Variants in RIOK2 observed in about 807,000 individuals in gnomAD.
The protein encoded by RIOK2 is serine/threonine-protein kinase RIO2.
In RIOK2, 46 loss-of-function variants were observed where a neutral mutation model predicts 62.4. The observed-to-expected ratio is 0.74, with a 90% CI of 0.58 to 0.94. RIOK2 has a LOEUF of 0.94. RIOK2 is among the 40% of genes least tolerant of loss of function. RIOK2 has a pLI of 0.00. For missense variants in RIOK2, 574 were observed against 658.0 expected (o/e 0.87, Z 1.40); for synonymous variants, 197 against 216.0 (o/e 0.91, Z 0.77).
At chr5:97,179,301 CAACT>C in intron 1 of RIOK2, 108 bp from the exon 2 acceptor site, 2 of 946,192 alleles carry the variant, frequency 2.1e-6, no homozygotes, top group Non-Finnish European at 3.2e-6. Context: ...TGCAGTTCTC[CAACT>C]AATTCTGAGA....
intron 1 of RIOK2, among the ~76,000 whole-genome samples, chr5:97,180,016 A>AATATATATATTTAATATATATAAT (rs1749319587): frequency 2.3e-5 from 1 of 44,152 alleles, no homozygotes; most frequent in African/African-American, 8.0e-5. Context: ...ATATATATAT[A>AATATATATATTTAATATATATAAT]ATATATATAT....
intron 4 of RIOK2, chr5:97,176,910 A>G (rs1749177421): frequency 2.0e-6 from 1 of 504,336 alleles, no homozygotes; most frequent in South Asian, 2.4e-5. Flanking sequence ...TGCATTAGTA[A>G]CAATTTAAAA....
At chr5:97,180,144 A>ATATATATATATGTG (rs1561522472) in intron 1 of RIOK2, among the ~76,000 whole-genome samples, 1 of 57,544 alleles carries the variant, frequency 1.7e-5, no homozygotes, top group African/African-American at 4.5e-5. Flanking sequence ...ATATATATGT[A>ATATATATATATGTG]TATATATATA....
intron 5 of RIOK2, among the ~76,000 whole-genome samples, chr5:97,172,843 A>G (rs1749053742): frequency 6.6e-6 from 1 of 152,190 alleles, no homozygotes; most frequent in Non-Finnish European, 1.5e-5. Flanking sequence ...AACAATTGAT[A>G]TACATTTCCT....
chr5:97,180,561 T>C (rs781142580), intron 1 of RIOK2, among the ~76,000 whole-genome samples: 1 of 152,170 alleles, frequency 6.6e-6, no homozygotes, highest in Non-Finnish European at 1.5e-5. Flanking sequence ...TTATATTTTA[T>C]CCTGATGAGA....
rs1186172372 is a variant in RIOK2 at position 97,162,665 on chromosome 5, A to C, written c.*396T>G. 2 of 155,824 alleles carry C rather than the reference A, an allele frequency of 1.3e-5. No individual in the cohort carries two copies. The highest frequency in any genetic ancestry group is 1.9e-4 in the East Asian group (1 of 5,324). The allele number at this position is 155,824 out of a possible 1,614,324, so 9.7% of individuals were successfully genotyped here. ...CCAAATAAAATGCAACCAAATTGTC[A>C]GCAGAATTTCAGAATCATTATGATT... On this transcript the variant is annotated 3_prime_UTR_variant, in exon 10 of 10. Transcript: ENST00000283109.
intron 1 of RIOK2, chr5:97,182,917 G>C: frequency 1.6e-6 from 1 of 625,152 alleles, no homozygotes; most frequent in Non-Finnish European, 2.9e-6. Context: ...ATTAGAAGAC[G>C]GGACCTTTGC....
Position 97,162,789 on chromosome 5 carries a change from A to G in RIOK2, c.*272T>C, listed in dbSNP as rs914461346. On this transcript the variant is annotated 3_prime_UTR_variant, in exon 10 of 10. Transcript: ENST00000283109. ...ATATCATCCTCAACAAACAGAAAAC[A>G]ACAAAAATGTTATTTAGATTTTTAA... 6 of 338,512 alleles carry G rather than the reference A, an allele frequency of 1.8e-5. No homozygotes were observed. The East Asian group carries it at 3.7e-4, about 21-fold the overall frequency. 21.0% of individuals were successfully genotyped at this position (338,512 alleles called of 1,614,324 possible).
Position 97,171,399 on chromosome 5 carries a change from T to G in RIOK2, c.588-2A>C. On this transcript the variant is annotated splice_acceptor_variant, in intron 5 of 9. Coordinates refer to ENST00000283109, the MANE Select transcript of RIOK2 (RefSeq NM_018343.3). LOFTEE classifies it high-confidence loss of function. ...TCTTCAACATGGTGTATCTGACATC[T>G]GAAAGTATTTTAAGCATGAAAATAG... 6.6e-7 allele frequency: 1 copy of G among 1,516,398 alleles called. No homozygotes were observed. Among genetic ancestry groups the G allele is most frequent in the Non-Finnish European group, 8.9e-7 (1 of 1,129,534 alleles). The allele number at this position is 1,516,398 out of a possible 1,614,324, so 93.9% of individuals were successfully genotyped here. A position where few individuals can be genotyped will look rare whatever the true frequency, so the allele number is the denominator to read the frequency against.
At chr5:97,177,873 A>G (rs1749214553) in intron 2 of RIOK2, 25 bp from the exon 3 acceptor site, 2 of 1,428,534 alleles carry the variant, frequency 1.4e-6, no homozygotes, top group East Asian at 4.6e-5. Context: ...AAGCATAAAG[A>G]CCATATTTCA....
At chr5:97,175,059 A>AAAATAAATAAATAAATAAAT (rs78028300) in intron 4 of RIOK2, among the ~76,000 whole-genome samples, 62 of 151,118 alleles carry the variant, frequency 4.1e-4, no homozygotes, top group African/African-American at 9.5e-4. Context: ...CCTTGTCTTG[A>AAAATAAATAAATAAATAAAT]AAATAAATAA....
chr5:97,165,927 A>C (rs900193767), intron 8 of RIOK2, among the ~76,000 whole-genome samples: 1 of 152,230 alleles, frequency 6.6e-6, no homozygotes, highest in Non-Finnish European at 1.5e-5. Context: ...CAATAAACTG[A>C]GTATAGCAGA....
chr5:97,171,255 T>C lies in RIOK2; in HGVS notation c.730A>G (p.Met244Val), dbSNP rs33996030. The change falls in exon 6 of 10, where the codon ATG becomes GTG. Residue 244 changes from methionine (M) to valine (V), a missense_variant. Coordinates refer to ENST00000283109, the MANE Select transcript of RIOK2 (RefSeq NM_018343.3). ...LILDESDHIT[M>V]IDFPQMVSTS... ...GAAACCATCTGTGGAAAATCAATCA[T>C]GGTGATATGGTCACTTTCATCCAAA... The C allele has an allele frequency of 0.011, 17,964 of 1,601,574 alleles. 133 individuals are homozygous for C. Among genetic ancestry groups the C allele is most frequent in the Non-Finnish European group, 0.013 (15,515 of 1,173,528 alleles).
chr5:97,168,875 T>G (rs369295146), intron 6 of RIOK2, 23 bp from the exon 7 acceptor site: 54 of 1,421,990 alleles, frequency 3.8e-5, no homozygotes, highest in Non-Finnish European at 5.0e-5. Flanking sequence ...GAATCATTTA[T>G]GATATAGTCT....
At chr5:97,168,210 G>A (rs184249954) in intron 7 of RIOK2, among the ~76,000 whole-genome samples, 5 of 152,224 alleles carry the variant, frequency 3.3e-5, no homozygotes, top group Non-Finnish European at 5.9e-5. Context: ...TAACTGAAAA[G>A]CAACAATATA....
At chr5:97,180,115 C>T (rs1396752841) in intron 1 of RIOK2, among the ~76,000 whole-genome samples, 8 of 38,818 alleles carry the variant, frequency 2.1e-4, no homozygotes, top group Non-Finnish European at 3.4e-4. Flanking sequence ...TGCTCTTCTG[C>T]ATGTGTATAT....
At chr5:97,178,814 A>G in intron 2 of RIOK2, 1 of 532,788 alleles carries the variant, frequency 1.9e-6, no homozygotes, top group East Asian at 3.4e-5. Context: ...GCTCTTCTGC[A>G]GTACCTACAT....
At position 97,177,785 on chromosome 5, in the gene RIOK2, GAAGA is replaced by G; in HGVS notation, c.265_268del (p.Ser89LeufsTer4). 6.2e-7 allele frequency: 1 copy of G among 1,613,620 alleles called. No individual in the cohort carries two copies. Among genetic ancestry groups the G allele is most frequent in the Non-Finnish European group, 8.5e-7 (1 of 1,179,676 alleles). ...TCCAACAGACTCAACTACTTGCCTA[GAAGA>G]AAGTGTTTTCAAAGCTAGGTAATCA... On this transcript the variant is annotated frameshift_variant, in exon 3 of 10. Transcript: ENST00000283109. LOFTEE classifies it high-confidence loss of function.
rs1488843227 is a variant in RIOK2 at position 97,160,997 on chromosome 5, G to C, written c.*2064C>G. 1 of 152,198 alleles carries C rather than the reference G, an allele frequency of 6.6e-6. No individual in the cohort carries two copies. The highest frequency in any genetic ancestry group is 1.5e-5 in the Non-Finnish European group (1 of 68,048). 9.4% of individuals were successfully genotyped at this position (152,198 alleles called of 1,614,324 possible). A position where few individuals can be genotyped will look rare whatever the true frequency, so the allele number is the denominator to read the frequency against. On this transcript the variant is annotated 3_prime_UTR_variant, in exon 10 of 10. Transcript: ENST00000283109. ...TGAAATACCAGTGACCATCACAATA[G>C]GAAAGGTGGTCAGCTTGTGGAATTT...
Sources: allele counts gnomAD v4.1 joint callset (sites outside exome capture counted in the v4.1 genomes callset), GRCh38; gene constraint gnomAD v4.1.1; transcripts MANE v1.5; gene names NCBI Gene and HGNC (gene_info 2026-07-23, HGNC 2026-07-21).